DYNC2H1: variants seen among roughly 807,000 people sequenced by gnomAD.
DYNC2H1 encodes the protein dynein cytoplasmic 2 heavy chain 1, also known as cytoplasmic dynein 2 heavy chain 1.
In DYNC2H1, 410 loss-of-function variants were observed where a neutral mutation model predicts 570.0. That is an observed-to-expected ratio of 0.72 (90% CI 0.66 to 0.78). The LOEUF is 0.78. Ranked by LOEUF, DYNC2H1 falls within the 30% of genes least tolerant of loss-of-function variation. The pLI is 0.00. For missense variants in DYNC2H1, 4,865 were observed against 5,046.4 expected (o/e 0.96, Z 1.09); for synonymous variants, 1,688 against 1,677.6 (o/e 1.01, Z -0.15).
rs369664987 is a variant in DYNC2H1 at position 103,287,618 on chromosome 11, C to T, written c.11095+13C>T. 2.7e-5 allele frequency: 44 copies of T among 1,601,490 alleles called. No individual in the cohort carries two copies. Among genetic ancestry groups the T allele is most frequent in the Admixed American group, 3.4e-5 (2 of 58,420 alleles). On this transcript the variant is annotated intron_variant, in intron 75 of 88. Transcript: ENST00000375735. ...TGTAAAACTCTGGGTAAGTGTGATGCTTTTCAAGAACTAGACCACTGACCT... is the reference window on the plus strand; with the variant it reads ...TGTAAAACTCTGGGTAAGTGTGATGTTTTTCAAGAACTAGACCACTGACCT...
intron 31 of DYNC2H1, among the ~76,000 whole-genome samples, chr11:103,167,955 C>T (rs1861399492): frequency 6.6e-6 from 1 of 152,170 alleles, no homozygotes; most frequent in South Asian, 2.1e-4. Context: ...TCTATTCATG[C>T]ACCACACCTT....
chr11:103,120,472 A>T lies in DYNC2H1; in HGVS notation c.1025A>T (p.Glu342Val). 6.2e-7 allele frequency: 1 copy of T among 1,611,686 alleles called. No homozygotes were observed. Among genetic ancestry groups the T allele is most frequent in the African/African-American group, 1.3e-5 (1 of 74,962 alleles). The change falls in exon 7 of 89, where the codon GAG becomes GTG. Residue 342 changes from glutamate (E) to valine (V), a missense_variant. This residue lies in a region of DYNC2H1 where 1,936 missense variants were observed against 1,962.1 expected (regional missense o/e 0.99). Transcript: ENST00000375735. ...EEVLAIRTIH[E>V]KFLYFLPASE... ...GTCTTGGCTATTAGAACAATTCATG[A>T]GAAGTTTCTCTATTTTCTACCTGCC...
intron 73 of DYNC2H1, 89 bp from the exon 74 acceptor site, chr11:103,286,165 AT>A (rs1257044336): frequency 6.0e-6 from 9 of 1,497,956 alleles, no homozygotes; most frequent in African/African-American, 1.4e-5. Flanking sequence ...TCAACCAATA[AT>A]TGGTTCTCAC....
intron 75 of DYNC2H1, among the ~76,000 whole-genome samples, chr11:103,302,000 A>G (rs1364984437): frequency 2.0e-5 from 3 of 152,036 alleles, no homozygotes; most frequent in African/African-American, 7.2e-5. Flanking sequence ...TATATTTTAA[A>G]TTATTAATTG....
At chr11:103,115,355 T>G in intron 4 of DYNC2H1, 60 bp downstream of exon 4, 2 of 1,060,080 alleles carry the variant, frequency 1.9e-6, no homozygotes. Flanking sequence ...TGGGATTCAA[T>G]TTTTACAGCC....
chr11:103,142,788 G>A (rs755094417), intron 17 of DYNC2H1, among the ~76,000 whole-genome samples: 12 of 152,252 alleles, frequency 7.9e-5, no homozygotes, highest in South Asian at 4.1e-4. Flanking sequence ...GCTTATTTCC[G>A]TTTAAGTATA....
rs887995720 is a variant in DYNC2H1 at position 103,151,606 on chromosome 11, A to G, written c.2947-530A>G. Among the ~76,000 whole-genome samples, 2 of 152,198 alleles carry G rather than the reference A, an allele frequency of 1.3e-5. No individual in the cohort carries two copies. Among genetic ancestry groups the G allele is most frequent in the East Asian group, 3.8e-4 (2 of 5,204 alleles). The stretch of plus-strand genomic sequence containing the variant: ...CAAACTGTTTAACAAACTGTTAGCT[A>G]TATACAACTTAGGGCACTTCAGTTA... On this transcript the variant is annotated intron_variant, in intron 20 of 88. Transcript: ENST00000375735. The surrounding 1 kb of genome is among the most constrained non-coding windows in gnomAD (Gnocchi z 4.6).
chr11:103,320,874 A>C (rs1037064652), intron 80 of DYNC2H1, among the ~76,000 whole-genome samples, 155 bp from the exon 81 acceptor site: 2 of 152,214 alleles, frequency 1.3e-5, no homozygotes, highest in African/African-American at 2.4e-5. Context: ...TACTTGATTA[A>C]AAAATCTCAA....
chr11:103,266,092 C>A (rs750406905), intron 70 of DYNC2H1, among the ~76,000 whole-genome samples: 1 of 151,698 alleles, frequency 6.6e-6, no homozygotes, highest in African/African-American at 2.4e-5. Flanking sequence ...GTGGGAGGGG[C>A]AAGGCGCTCT....
intron 82 of DYNC2H1, among the ~76,000 whole-genome samples, chr11:103,335,318 G>T (rs924114586): frequency 9.2e-5 from 14 of 151,990 alleles, no homozygotes; most frequent in Non-Finnish European, 2.1e-4. Flanking sequence ...ACAGTTCCTG[G>T]TCCCTTAAGT....
At chr11:103,110,608 T>C (rs1027314201) in intron 1 of DYNC2H1, among the ~76,000 whole-genome samples, 2 of 152,138 alleles carry the variant, frequency 1.3e-5, no homozygotes, top group African/African-American at 2.4e-5. Flanking sequence ...ACTGGCAGGA[T>C]TGCTTAAAAA....
Position 103,324,137 on chromosome 11 carries a change from A to AT in DYNC2H1, c.12039+153dup, listed in dbSNP as rs1221327703. The stretch of plus-strand genomic sequence containing the variant: ...CACATTCCAGTTTTACTTTAAATAT[A>AT]TTTTTTAAAATATTTGATTTTCTGA... On this transcript the variant is annotated intron_variant, in intron 82 of 88. Coordinates refer to ENST00000375735, the MANE Select transcript of DYNC2H1 (RefSeq NM_001377.3). This position sits in a 1 kb window ranked among gnomAD's most constrained non-coding sequence, Gnocchi z 5.2. The AT allele has an allele frequency of 2.4e-6, 1 of 416,490 alleles. No homozygotes were observed. Among genetic ancestry groups the AT allele is most frequent in the East Asian group, 3.8e-5 (1 of 26,156 alleles). 25.8% of individuals were successfully genotyped at this position (416,490 alleles called of 1,614,324 possible). A position where few individuals can be genotyped will look rare whatever the true frequency, so the allele number is the denominator to read the frequency against.
intron 28 of DYNC2H1, among the ~76,000 whole-genome samples, chr11:103,159,727 A>C (rs1861002094): frequency 6.6e-6 from 1 of 152,200 alleles, no homozygotes; most frequent in African/African-American, 2.4e-5. Flanking sequence ...TAGAGCAAAC[A>C]GCTCTATAGA....
chr11:103,215,019 G>T (rs1029023208), intron 54 of DYNC2H1, among the ~76,000 whole-genome samples: 3 of 151,972 alleles, frequency 2.0e-5, no homozygotes, highest in Admixed American at 6.6e-5. Flanking sequence ...CAGCTTTACC[G>T]AATTTGCTTA....
At chr11:103,141,790 G>T (rs1402109524) in intron 17 of DYNC2H1, among the ~76,000 whole-genome samples, 1 of 152,222 alleles carries the variant, frequency 6.6e-6, no homozygotes, top group Non-Finnish European at 1.5e-5. Flanking sequence ...TCTTTTTGTT[G>T]TCTGTGCCCT....
chr11:103,433,719 G>A (rs1354717080), intron 84 of DYNC2H1, among the ~76,000 whole-genome samples: 1 of 152,226 alleles, frequency 6.6e-6, no homozygotes, highest in East Asian at 1.9e-4. Context: ...ACAGGATCAG[G>A]CTAAGGCTAA....
chr11:103,335,686 A>G (rs1475649631), intron 82 of DYNC2H1, among the ~76,000 whole-genome samples: 1 of 152,064 alleles, frequency 6.6e-6, no homozygotes, highest in Non-Finnish European at 1.5e-5. Flanking sequence ...TAAAATTGTG[A>G]TTTTATCTTT....
chr11:103,238,706 A>G (rs1178538677), intron 63 of DYNC2H1, among the ~76,000 whole-genome samples: 1 of 152,212 alleles, frequency 6.6e-6, no homozygotes, highest in Non-Finnish European at 1.5e-5. Flanking sequence ...TCTTACAAAG[A>G]TGCTTAAAAT....
chr11:103,278,610 G>C (rs888477069), intron 70 of DYNC2H1, among the ~76,000 whole-genome samples: 4 of 151,646 alleles, frequency 2.6e-5, no homozygotes, highest in Non-Finnish European at 5.9e-5. Context: ...TGCTGCCAAG[G>C]CTGGAGTATG....
Sources: gnomAD v4.1 joint callset for allele counts (sites outside exome capture counted in the v4.1 genomes callset) on GRCh38, gnomAD v4.1.1 for gene constraint, gnomAD v4.1.1 regional missense constraint, Gnocchi (gnomAD v3.1) non-coding constraint, MANE v1.5 for transcripts, NCBI Gene and HGNC (gene_info 2026-07-23, HGNC 2026-07-21) for gene names.